OR6Y1: variants seen among roughly 807,000 people sequenced by gnomAD.
OR6Y1 encodes olfactory receptor 6Y1.
OR6Y1 carries 1 observed loss-of-function variant against 0.4 expected under a neutral mutation model. The observed-to-expected ratio is 2.74, with a 90% CI of 0.97 to 13.02. The LOEUF is 13.02. Among genes scored for constraint, OR6Y1 ranks in the 30% most tolerant of loss-of-function variants. The pLI is 0.12. For missense variants in OR6Y1, 480 were observed against 399.8 expected (o/e 1.20, Z -1.71); for synonymous variants, 173 against 141.1 (o/e 1.23, Z -1.60).
intron 1 of OR6Y1, among the ~76,000 whole-genome samples, chr1:158,551,767 A>AC (rs34986210): frequency 0.017 from 1,820 of 109,202 alleles, 25 homozygotes; most frequent in Non-Finnish European, 0.02. Flanking sequence ...CACACACACA[A>AC]ACACACATTG....
chr1:158,553,263 A>C (rs1647747147), intron 1 of OR6Y1, among the ~76,000 whole-genome samples: 1 of 152,196 alleles, frequency 6.6e-6, no homozygotes, highest in Non-Finnish European at 1.5e-5. Flanking sequence ...GTGGTCACAT[A>C]ATGTGATGCA....
At chr1:158,551,113 G>T (rs1476389588) in intron 1 of OR6Y1, among the ~76,000 whole-genome samples, 1 of 106,410 alleles carries the variant, frequency 9.4e-6, no homozygotes, top group Admixed American at 8.8e-5. Flanking sequence ...TCTATGAATT[G>T]GGTGAGGCTT....
At position 158,547,499 on chromosome 1, in the gene OR6Y1, C is replaced by T. The variant is rs962631702; in HGVS notation, c.607G>A (p.Val203Met). 6.2e-7 allele frequency: 1 copy of T among 1,613,476 alleles called. No individual in the cohort carries two copies. The highest frequency in any genetic ancestry group is 8.5e-7 in the Non-Finnish European group (1 of 1,179,998). Reference protein sequence around the residue: ...SCEDASQAEMVDFFLALMVIA... With the variant: ...SCEDASQAEMMDFFLALMVIA... Reference sequence around the variant, plus strand: ...ACCATGAGGGCCAAGAAGAAGTCCACCATCTCAGCCTGTGAGGCATCCTCA... The same window carrying T: ...ACCATGAGGGCCAAGAAGAAGTCCATCATCTCAGCCTGTGAGGCATCCTCA... The change falls in exon 2 of 2, where the codon GTG becomes ATG. Residue 203 changes from valine to methionine, a missense_variant. Coordinates refer to ENST00000641622, the MANE Select transcript of OR6Y1 (RefSeq NM_001005189.2).
chr1:158,554,365 C>CA lies in OR6Y1; in HGVS notation c.-1533dup, dbSNP rs528279102. The CA allele has an allele frequency of 8.1e-4, 124 of 152,326 alleles. No individual in the cohort carries two copies. Among genetic ancestry groups the CA allele is most frequent in the African/African-American group, 2.9e-3 (121 of 41,568 alleles). 9.4% of individuals were successfully genotyped at this position (152,326 alleles called of 1,614,324 possible). A position where few individuals can be genotyped will look rare whatever the true frequency, so the allele number is the denominator to read the frequency against. The stretch of plus-strand genomic sequence containing the variant: ...GAAATCATGTAGACCAAGAGAAGAA[C>CA]AATGTACATAAGCCTAGAGAGTTTC... On this transcript the variant is annotated 5_prime_UTR_variant, in exon 1 of 2. The change abolishes the stop of an existing upstream ORF in the 5' untranslated region. Transcript: ENST00000641622.
chr1:158,549,683 C>T (rs990004622), intron 1 of OR6Y1, 146 bp from the exon 2 acceptor site: 3 of 151,804 alleles, frequency 2.0e-5, no homozygotes, highest in Non-Finnish European at 4.4e-5. Flanking sequence ...CTGAGAAACA[C>T]ATGCACAAAC....
In OR6Y1 at chr1:158,547,117, C is replaced by T; in HGVS notation, c.*11G>A. ...CTCTCAGTTCAAGCCTGAAAGGAAT[C>T]TATACATTTTTTAACTACTGAAAGC... is the stretch of plus-strand genomic sequence containing the variant. On this transcript the variant is annotated 3_prime_UTR_variant, in exon 2 of 2. Transcript: ENST00000641622. The T allele has an allele frequency of 6.2e-7, 1 of 1,605,916 alleles. No individual in the cohort carries two copies. Among genetic ancestry groups the T allele is most frequent in the Non-Finnish European group, 8.5e-7 (1 of 1,176,998 alleles).
intron 1 of OR6Y1, among the ~76,000 whole-genome samples, chr1:158,551,329 C>T (rs947040139): frequency 8.6e-5 from 13 of 151,754 alleles, no homozygotes; most frequent in Admixed American, 8.5e-4. Flanking sequence ...CTCAGTCACA[C>T]ATTGTGGACT....
At chr1:158,551,588 T>A (rs906022275) in intron 1 of OR6Y1, among the ~76,000 whole-genome samples, 4 of 151,762 alleles carry the variant, frequency 2.6e-5, no homozygotes, top group Non-Finnish European at 5.9e-5. Flanking sequence ...TCAAATTATT[T>A]ACTTATCTGA....
At position 158,548,194 on chromosome 1, in the gene OR6Y1, C is replaced by A; in HGVS notation, c.-89G>T. ...TTGTATTGATAGAGCCCACCACCAG[C>A]AAATTTATCACAATAGGAGGTTTCT... On this transcript the variant is annotated 5_prime_UTR_variant, in exon 2 of 2. Transcript: ENST00000641622. 1 of 1,331,982 alleles carries A rather than the reference C, an allele frequency of 7.5e-7. No individual in the cohort carries two copies. The allele number at this position is 1,331,982 out of a possible 1,614,324, so 82.5% of individuals were successfully genotyped here. A position where few individuals can be genotyped will look rare whatever the true frequency, so the allele number is the denominator to read the frequency against.
At chr1:158,550,360 T>C (rs1647670465) in intron 1 of OR6Y1, among the ~76,000 whole-genome samples, 1 of 151,440 alleles carries the variant, frequency 6.6e-6, no homozygotes. Flanking sequence ...TTCATTCTTC[T>C]TCTAATTCCA....
Position 158,547,602 on chromosome 1 carries a change from T to C in OR6Y1, c.504A>G (p.Ile168Met). ...GCATGCCACAGTAGTGAAGTTGTGC[T>C]ATAAAAACCATCTTAATCATGGCAG... ...LMTAMIKMVF[I>M]AQLHYCGMPQ... The change falls in exon 2 of 2, where the codon ATA becomes ATG. Residue 168 changes from isoleucine (I) to methionine (M), a missense_variant. Coordinates refer to ENST00000641622, the MANE Select transcript of OR6Y1 (RefSeq NM_001005189.2). 3.1e-6 allele frequency: 5 copies of C among 1,613,242 alleles called. No homozygotes were observed. Among genetic ancestry groups the C allele is most frequent in the African/African-American group, 1.3e-5 (1 of 74,514 alleles).
At position 158,544,907 on chromosome 1, in the gene OR6Y1, G is replaced by A. The variant is rs1647475778; in HGVS notation, c.*2221C>T. The stretch of plus-strand genomic sequence containing the variant: ...CTGCATAGTATTTCATGTTGTATAT[G>A]TAGCACATTTTCTTTATCCAGTCTA... On this transcript the variant is annotated 3_prime_UTR_variant, in exon 2 of 2. Transcript: ENST00000641622. 6.6e-6 allele frequency: 1 copy of A among 152,052 alleles called. No homozygotes were observed. The highest frequency in any genetic ancestry group is 6.6e-5 in the Admixed American group (1 of 15,254). 9.4% of individuals were successfully genotyped at this position (152,052 alleles called of 1,614,324 possible).
At chr1:158,552,957 T>A (rs1647739461) in intron 1 of OR6Y1, among the ~76,000 whole-genome samples, 1 of 152,148 alleles carries the variant, frequency 6.6e-6, no homozygotes, top group Admixed American at 6.5e-5. Context: ...TTCAGGGTGA[T>A]ATGTGTAACA....
At chr1:158,551,600 C>A (rs1035879714) in intron 1 of OR6Y1, among the ~76,000 whole-genome samples, 1 of 151,448 alleles carries the variant, frequency 6.6e-6, no homozygotes, top group Non-Finnish European at 1.5e-5. Flanking sequence ...CTTATCTGAC[C>A]CGATTCTCAA....
rs1195172905 is a variant in OR6Y1, at chr1:158,546,346, TACTTA to T, written c.*777_*781del. ...ACCTATTTTTAAAATTATGTTTATA[TACTTA>T]ACTTGTTTTTCCATTGAGAGTTTAA... On this transcript the variant is annotated 3_prime_UTR_variant, in exon 2 of 2. Transcript: ENST00000641622. The T allele has an allele frequency of 7.9e-5, 12 of 152,352 alleles. No individual in the cohort carries two copies. The East Asian group carries it at 9.6e-4, about 12-fold the overall frequency. The allele number at this position is 152,352 out of a possible 1,614,324, so 9.4% of individuals were successfully genotyped here.
intron 1 of OR6Y1, 106 bp downstream of exon 1, chr1:158,554,160 T>C (rs1647774882): frequency 1.3e-5 from 2 of 152,364 alleles, no homozygotes; most frequent in African/African-American, 4.8e-5. Context: ...GTAATTTACA[T>C]ACAATTTATC....
intron 1 of OR6Y1, among the ~76,000 whole-genome samples, chr1:158,549,761 G>T (rs1311089529): frequency 6.6e-6 from 1 of 151,794 alleles, no homozygotes; most frequent in African/African-American, 2.4e-5. Context: ...ACTAGGCAGT[G>T]TGAGAGTGGG....
In OR6Y1 at chr1:158,546,748, G is replaced by A. The variant is rs746097198; in HGVS notation, c.*380C>T. 2.4e-5 allele frequency: 4 copies of A among 166,508 alleles called. No individual in the cohort carries two copies. The highest frequency in any genetic ancestry group is 3.9e-5 in the Non-Finnish European group (3 of 76,460). 10.3% of individuals were successfully genotyped at this position (166,508 alleles called of 1,614,324 possible). On this transcript the variant is annotated 3_prime_UTR_variant, in exon 2 of 2. Coordinates refer to ENST00000641622, the MANE Select transcript of OR6Y1 (RefSeq NM_001005189.2). ...TTTTCTAACCATCTGAGAGATGAAC[G>A]ATGGTTTTATTCTTTATATTTAATT... is the stretch of plus-strand genomic sequence containing the variant.
chr1:158,547,641 G>C lies in OR6Y1; in HGVS notation c.465C>G (p.Phe155Leu). 6.2e-7 allele frequency: 1 copy of C among 1,613,400 alleles called. No individual in the cohort carries two copies. Among genetic ancestry groups the C allele is most frequent in the Non-Finnish European group, 8.5e-7 (1 of 1,179,974 alleles). ...LCGTLAGGCW[F>L]CGLMTAMIKM... is the part of the protein sequence containing the mutation. Reference sequence around the variant, plus strand: ...TAATCATGGCAGTCATGAGTCCACAGAACCAGCATCCTCCAGCCAGTGTGC... The same window carrying C: ...TAATCATGGCAGTCATGAGTCCACACAACCAGCATCCTCCAGCCAGTGTGC... Residue 155 changes from phenylalanine to leucine, a missense_variant, in exon 2 of 2, where the codon TTC (phenylalanine) becomes TTG (leucine). Physicochemically the swap from Phe to Leu is conservative, Grantham distance 22. Coordinates refer to ENST00000641622, the MANE Select transcript of OR6Y1 (RefSeq NM_001005189.2).
Sources: allele counts gnomAD v4.1 joint callset (sites outside exome capture counted in the v4.1 genomes callset), GRCh38; gene constraint gnomAD v4.1.1; transcripts MANE v1.5; gene names NCBI Gene and HGNC (gene_info 2026-07-23, HGNC 2026-07-21).